Variants in STARD13 observed in about 807,000 individuals in gnomAD.
STARD13 encodes StAR related lipid transfer domain containing 13, also known as stAR-related lipid transfer protein 13.
Under a neutral mutation model 106.4 loss-of-function variants are expected in STARD13, and 62 were observed. The ratio of observed to expected loss-of-function variants is 0.58; its 90% CI spans 0.48 to 0.72. The LOEUF (loss-of-function observed/expected upper bound fraction) is 0.72, where lower values mean the gene tolerates loss of function less well. Among genes scored for constraint, STARD13 ranks in the 30% least tolerant of loss-of-function variants. STARD13 has a pLI of 0.00. For missense variants in STARD13, 1,387 were observed against 1,424.0 expected (o/e 0.97, Z 0.42); for synonymous variants, 565 against 553.0 (o/e 1.02, Z -0.31).
chr13:33,436,667 T>C, the STARD13 span, among the ~76,000 whole-genome samples: 3 of 152,236 alleles, frequency 2.0e-5, no homozygotes, highest in East Asian at 5.8e-4. Flanking sequence ...CTTTCATCAC[T>C]AGGCTGAGAT....
intron 1 of STARD13, among the ~76,000 whole-genome samples, chr13:33,177,631 T>A (rs190196727): frequency 4.0e-5 from 6 of 151,856 alleles, no homozygotes; most frequent in Non-Finnish European, 8.8e-5. Flanking sequence ...TGCTTATTAT[T>A]TGAAAATCAA....
At chr13:33,458,743 T>C in the STARD13 span, among the ~76,000 whole-genome samples, 1 of 151,830 alleles carries the variant, frequency 6.6e-6, no homozygotes, top group East Asian at 1.9e-4. Flanking sequence ...TACTGACAAA[T>C]GTGTCCGGAT....
chr13:33,150,783 C>A (rs1196701253), intron 3 of STARD13, among the ~76,000 whole-genome samples: 1 of 152,164 alleles, frequency 6.6e-6, no homozygotes. Context: ...TCTTCAGAAT[C>A]CTTGAGAAGG....
chr13:33,367,455 A>G, the STARD13 span, among the ~76,000 whole-genome samples: 1 of 152,308 alleles, frequency 6.6e-6, no homozygotes, highest in East Asian at 1.9e-4. Flanking sequence ...CAGTAAGGAG[A>G]AAAAAGATTA....
the STARD13 span, among the ~76,000 whole-genome samples, chr13:33,423,299 T>A: frequency 6.6e-6 from 1 of 152,212 alleles, no homozygotes; most frequent in Non-Finnish European, 1.5e-5. Flanking sequence ...GAACAGATAC[T>A]TCTCAAAAGA....
At position 33,113,433 on chromosome 13, in the gene STARD13, C is replaced by T. The variant is rs1874909873; in HGVS notation, c.2282-502G>A. 25 of 454,446 alleles carry T rather than the reference C, an allele frequency of 5.5e-5. 2 individuals are homozygous for T. The highest frequency in any genetic ancestry group is 3.6e-4 in the Middle Eastern group (1 of 2,742). 28.2% of individuals were successfully genotyped at this position (454,446 alleles called of 1,614,324 possible). On this transcript the variant is annotated intron_variant, in intron 8 of 13. Transcript: ENST00000336934. ...CTTGCGTTTCTCCACCCCTGCCAGC[C>T]AGGCCATGATGCCAGTGCTGCACAA...
chr13:33,212,608 G>A (rs966315334), intron 1 of STARD13, among the ~76,000 whole-genome samples: 11 of 152,152 alleles, frequency 7.2e-5, no homozygotes, highest in Non-Finnish European at 4.4e-5. Flanking sequence ...TAGGGTCATG[G>A]AGCCTATTTT....
At chr13:33,218,096 AG>A (rs1221044449) in intron 1 of STARD13, among the ~76,000 whole-genome samples, 2 of 152,246 alleles carry the variant, frequency 1.3e-5, no homozygotes, top group Admixed American at 1.3e-4. Context: ...ACACGGAAGT[AG>A]CCAACTTTTT....
At chr13:33,458,533 T>A in the STARD13 span, among the ~76,000 whole-genome samples, 44 of 152,188 alleles carry the variant, frequency 2.9e-4, no homozygotes, top group African/African-American at 1.0e-3. Flanking sequence ...TTAGTCTCAC[T>A]AGGTGCTTCT....
intron 1 of STARD13, among the ~76,000 whole-genome samples, chr13:33,341,606 AG>A (rs993175723): frequency 2.0e-5 from 3 of 149,360 alleles, no homozygotes; most frequent in Admixed American, 6.6e-5. Flanking sequence ...AAAAAAAAAA[AG>A]AAGAAGAAAA....
the STARD13 span, among the ~76,000 whole-genome samples, chr13:33,576,436 A>G: frequency 2.6e-5 from 4 of 151,242 alleles, no homozygotes; most frequent in Admixed American, 1.3e-4. Context: ...GTCTTGCTAC[A>G]TTGCCCAGGC....
intron 1 of STARD13, among the ~76,000 whole-genome samples, chr13:33,194,371 T>A (rs777812252): frequency 6.6e-6 from 1 of 152,206 alleles, no homozygotes; most frequent in Non-Finnish European, 1.5e-5. Context: ...TGCTATGAAA[T>A]TCAGTTTACT....
the STARD13 span, among the ~76,000 whole-genome samples, chr13:33,425,826 A>G: frequency 9.2e-5 from 14 of 152,344 alleles, no homozygotes; most frequent in South Asian, 2.9e-3. Flanking sequence ...AGATCTGTTC[A>G]CCATCACAGG....
the STARD13 span, chr13:33,519,899 T>C: frequency 6.6e-6 from 1 of 152,172 alleles, no homozygotes; most frequent in African/African-American, 2.4e-5. Context: ...AGGCACTCCA[T>C]AAATATTTGC....
intron 1 of STARD13, among the ~76,000 whole-genome samples, chr13:33,349,872 T>C (rs2078055524): frequency 6.6e-6 from 1 of 152,158 alleles, no homozygotes; most frequent in Non-Finnish European, 1.5e-5. Context: ...AGTGGATGTG[T>C]CCCACGTGGA....
the STARD13 span, among the ~76,000 whole-genome samples, chr13:33,646,732 C>A: frequency 6.6e-6 from 1 of 151,396 alleles, no homozygotes; most frequent in Non-Finnish European, 1.5e-5. Context: ...GAAATTCTGG[C>A]AAAAGGATAG....
At chr13:33,152,133 A>G (rs1292866961) in intron 3 of STARD13, among the ~76,000 whole-genome samples, 1 of 152,250 alleles carries the variant, frequency 6.6e-6, no homozygotes, top group African/African-American at 2.4e-5. Flanking sequence ...CATAATAATT[A>G]AAGTCAATCA....
At chr13:33,532,115 T>G in the STARD13 span, among the ~76,000 whole-genome samples, 1 of 152,186 alleles carries the variant, frequency 6.6e-6, no homozygotes, top group Non-Finnish European at 1.5e-5. Flanking sequence ...TCTGCTCACC[T>G]GTTACCTGAA....
the STARD13 span, among the ~76,000 whole-genome samples, chr13:33,360,726 A>ATTCCTTCTGTGTAGACAGGATTCCTT: frequency 1.5e-5 from 2 of 134,632 alleles, no homozygotes; most frequent in Non-Finnish European, 3.3e-5. Flanking sequence ...AGACAGAAGG[A>ATTCCTTCTGTGTAGACAGGATTCCTT]CATATTGTTG....
Sources: allele counts gnomAD v4.1 joint callset (sites outside exome capture counted in the v4.1 genomes callset), GRCh38; gene constraint gnomAD v4.1.1; transcripts MANE v1.5; gene names NCBI Gene and HGNC (gene_info 2026-07-23, HGNC 2026-07-21).